Variants in SLC9A4 observed in about 807,000 individuals in gnomAD.
SLC9A4 encodes sodium/hydrogen exchanger 4.
A neutral mutation model predicts 67.4 loss-of-function variants in SLC9A4; 63 were observed. The observed-to-expected ratio is 0.93, with a 90% CI of 0.76 to 1.15. SLC9A4 has a LOEUF of 1.15. Ranked by LOEUF, SLC9A4 falls within the 50% of genes most tolerant of loss-of-function variation. The pLI, the probability that SLC9A4 is intolerant of heterozygous loss-of-function variation, is 0.00. For synonymous variants in SLC9A4, 393 were observed against 367.2 expected (o/e 1.07, Z -0.80); for missense variants, 1,089 against 987.7 (o/e 1.10, Z -1.38).
intron 8 of SLC9A4, among the ~76,000 whole-genome samples, chr2:102,515,733 A>G (rs991065528): frequency 2.0e-5 from 3 of 152,046 alleles, no homozygotes; most frequent in African/African-American, 7.2e-5. Context: ...TACCTTAGTT[A>G]CTGAGTTTTT....
At chr2:102,479,416 T>A (rs1684411950) in intron 2 of SLC9A4, 114 bp downstream of exon 2, 3 of 1,132,024 alleles carry the variant, frequency 2.7e-6, no homozygotes. Context: ...AGGACAGGGA[T>A]GAGCTTCAGC....
intron 2 of SLC9A4, among the ~76,000 whole-genome samples, chr2:102,496,114 T>A (rs1327584329): frequency 6.6e-6 from 1 of 152,166 alleles, no homozygotes; most frequent in African/African-American, 2.4e-5. Flanking sequence ...ACCTTCACTA[T>A]ACATGCATTT....
intron 2 of SLC9A4, among the ~76,000 whole-genome samples, chr2:102,497,000 C>A (rs759275069): frequency 6.6e-6 from 1 of 152,172 alleles, no homozygotes; most frequent in Non-Finnish European, 1.5e-5. Context: ...TCTCTGCTCA[C>A]CTGCTCACTG....
intron 9 of SLC9A4, among the ~76,000 whole-genome samples, chr2:102,521,302 A>C (rs764266619): frequency 2.6e-5 from 4 of 152,172 alleles, no homozygotes; most frequent in Non-Finnish European, 5.9e-5. Context: ...AGTTTCCAAG[A>C]TAGCATCCTT....
chr2:102,525,179 A>T, intron 10 of SLC9A4, 24 bp downstream of exon 10: 1 of 1,613,546 alleles, frequency 6.2e-7, no homozygotes, highest in East Asian at 2.2e-5. Flanking sequence ...GGGGACTGGG[A>T]CATTCCTTCA....
Position 102,508,162 on chromosome 2 carries a change from G to A in SLC9A4, c.1282G>A (p.Gly428Ser), listed in dbSNP as rs1378649111. 1 of 1,614,080 alleles carries A rather than the reference G, an allele frequency of 6.2e-7. No individual in the cohort carries two copies. The highest frequency in any genetic ancestry group is 1.1e-5 in the South Asian group (1 of 91,066). Reference sequence around the variant, plus strand: ...GGACCAGTGCATCATTTTCTACAGTGGTGTTCGAGGAGCTGGAAGTTTTTC... The same window carrying A: ...GGACCAGTGCATCATTTTCTACAGTAGTGTTCGAGGAGCTGGAAGTTTTTC... ...IKDQCIIFYSGVRGAGSFSLA... is the reference protein window; with the variant it reads ...IKDQCIIFYSSVRGAGSFSLA... Residue 428 changes from glycine to serine, a missense_variant, in exon 5 of 12, where the codon GGT (glycine) becomes AGT (serine). Physicochemically the swap from Gly to Ser is moderately conservative, Grantham distance 56. Coordinates refer to ENST00000295269, the MANE Select transcript of SLC9A4 (RefSeq NM_001011552.4).
At chr2:102,483,649 A>G (rs1684513632) in intron 2 of SLC9A4, among the ~76,000 whole-genome samples, 1 of 151,894 alleles carries the variant, frequency 6.6e-6, no homozygotes, top group South Asian at 2.1e-4. Flanking sequence ...AATCACCAGA[A>G]CACACATACG....
chr2:102,517,690 A>T (rs981575995), intron 8 of SLC9A4, among the ~76,000 whole-genome samples: 1 of 152,266 alleles, frequency 6.6e-6, no homozygotes. Flanking sequence ...GTATCAAATT[A>T]TCACATACAC....
intron 2 of SLC9A4, among the ~76,000 whole-genome samples, chr2:102,487,038 C>A (rs1034018302): frequency 6.6e-6 from 1 of 152,224 alleles, no homozygotes. Context: ...CTGCTTCTGA[C>A]CTTCTGTTGG....
At chr2:102,529,359 T>G (rs1674732194) in intron 11 of SLC9A4, among the ~76,000 whole-genome samples, 1 of 152,184 alleles carries the variant, frequency 6.6e-6, no homozygotes, top group Non-Finnish European at 1.5e-5. Flanking sequence ...CTTTAATAAG[T>G]TTTAAAGATG....
At chr2:102,477,989 T>G (rs1165093304) in intron 1 of SLC9A4, among the ~76,000 whole-genome samples, 3 of 152,252 alleles carry the variant, frequency 2.0e-5, no homozygotes, top group Admixed American at 6.5e-5. Context: ...TGTCTATCTC[T>G]TTGGTCTTCC....
chr2:102,532,526 A>G lies in SLC9A4; in HGVS notation c.2235A>G (p.Leu745=), dbSNP rs1382645407. The G allele has an allele frequency of 6.2e-7, 1 of 1,614,134 alleles. No homozygotes were observed. The highest frequency in any genetic ancestry group is 1.7e-5 in the Admixed American group (1 of 60,020). ...EYLGGVRRVA[L]RPKPLFHAVD... ...TGGGTGGAGTAAGGAGGGTGGCCTT[A>G]AGACCCAAACCTCTGTTTCATGCAG... Residue 745 remains leucine (L), a synonymous_variant, in exon 12 of 12, where the codon TTA becomes TTG. Transcript: ENST00000295269.
Position 102,473,508 on chromosome 2 carries a change from T to A in SLC9A4, c.-252T>A. 1 of 499,970 alleles carries A rather than the reference T, an allele frequency of 2.0e-6. No individual in the cohort carries two copies. 31.0% of individuals were successfully genotyped at this position (499,970 alleles called of 1,614,324 possible). On this transcript the variant is annotated 5_prime_UTR_variant, in exon 1 of 12. Coordinates refer to ENST00000295269, the MANE Select transcript of SLC9A4 (RefSeq NM_001011552.4). Reference sequence around the variant, plus strand: ...AGGTCCTCCAGGTAGCTCCATGGACTTTAACAAGTCTATTGAATAACTGCA... The same window carrying A: ...AGGTCCTCCAGGTAGCTCCATGGACATTAACAAGTCTATTGAATAACTGCA...
Position 102,524,742 on chromosome 2 carries a change from C to A in SLC9A4, c.1819-282C>A, listed in dbSNP as rs1375571493. Among the ~76,000 whole-genome samples the A allele has an allele frequency of 2.0e-5, 3 of 152,178 alleles. No individual in the cohort carries two copies. The East Asian group carries it at 5.8e-4, about 29-fold the overall frequency. On this transcript the variant is annotated intron_variant, in intron 9 of 11. Transcript: ENST00000295269. Reference sequence around the variant, plus strand: ...TGGAAAGGAAAGTGTATGTAAGGGGCAGGCCAAGTCTGTGGGTAACTAAGA... The same window carrying A: ...TGGAAAGGAAAGTGTATGTAAGGGGAAGGCCAAGTCTGTGGGTAACTAAGA...
chr2:102,531,217 C>G (rs1447082040), intron 11 of SLC9A4, among the ~76,000 whole-genome samples: 1 of 151,990 alleles, frequency 6.6e-6, no homozygotes, highest in Non-Finnish European at 1.5e-5. Flanking sequence ...TGCCCACCAC[C>G]ACGCCCAGCT....
chr2:102,528,964 T>A (rs1291352002), intron 11 of SLC9A4, among the ~76,000 whole-genome samples: 1 of 152,226 alleles, frequency 6.6e-6, no homozygotes. Context: ...ATTGGTTCCC[T>A]CCATATGCAA....
chr2:102,494,635 G>A (rs1286851322), intron 2 of SLC9A4, among the ~76,000 whole-genome samples: 1 of 151,938 alleles, frequency 6.6e-6, no homozygotes, highest in Admixed American at 6.6e-5. Context: ...GAAAGTAAAT[G>A]GATGCAAAAA....
chr2:102,532,353 T>C lies in SLC9A4; in HGVS notation c.2062T>C (p.Ser688Pro). 2 of 1,613,530 alleles carry C rather than the reference T, an allele frequency of 1.2e-6. No individual in the cohort carries two copies. The highest frequency in any genetic ancestry group is 1.1e-5 in the South Asian group (1 of 91,050). ...AGATGATGACAGCAGTGATCCAGGA[T>C]CCCCATCCATCACGTTCAGCGCATG... ...FSDDDSSDPG[S>P]PSITFSACSR... The change falls in exon 12 of 12, where the codon TCC becomes CCC. Residue 688 changes from serine (S) to proline (P), a missense_variant. Physicochemically the swap from Ser to Pro is moderately conservative, Grantham distance 74 (BLOSUM62 -1). Coordinates refer to ENST00000295269, the MANE Select transcript of SLC9A4 (RefSeq NM_001011552.4).
At chr2:102,520,004 G>A in intron 9 of SLC9A4, 49 bp downstream of exon 9, 1 of 1,513,436 alleles carries the variant, frequency 6.6e-7, no homozygotes, top group South Asian at 1.1e-5. Flanking sequence ...CTTGAAAACA[G>A]TCTCTGAAGG....
Sources: gnomAD v4.1 joint callset for allele counts (sites outside exome capture counted in the v4.1 genomes callset) on GRCh38, gnomAD v4.1.1 for gene constraint, MANE v1.5 for transcripts, NCBI Gene and HGNC (gene_info 2026-07-23, HGNC 2026-07-21) for gene names.